CLUH: variants seen among roughly 807,000 people sequenced by gnomAD.
The protein encoded by CLUH is clustered mitochondria protein homolog.
CLUH carries 77 observed loss-of-function variants against 139.3 expected under a neutral mutation model. The ratio of observed to expected loss-of-function variants is 0.55; its 90% CI spans 0.46 to 0.67. CLUH has a LOEUF of 0.67. Ranked by LOEUF, CLUH falls within the 30% of genes least tolerant of loss-of-function variation. The pLI is 0.00. For missense variants in CLUH, 1,876 were observed against 1,875.8 expected, an observed-to-expected ratio of 1.00 and a Z score of 0.00; for synonymous variants, 999 against 801.6, an observed-to-expected ratio of 1.25 and a Z score of -4.16.
intron 16 of CLUH, 73 bp downstream of exon 16, chr17:2,694,784 C>A (rs1222503811): frequency 2.7e-6 from 4 of 1,457,008 alleles, no homozygotes; most frequent in Non-Finnish European, 3.6e-6. Flanking sequence ...GCCTTAGACG[C>A]CATCTGGGAG....
chr17:2,701,825 A>G (rs2070193060), intron 4 of CLUH, 88 bp from the exon 5 acceptor site: 12 of 1,581,214 alleles, frequency 7.6e-6, no homozygotes, highest in Non-Finnish European at 9.4e-6. Flanking sequence ...CGGGTGCCTC[A>G]GGCCCAGGCC....
Position 2,690,455 on chromosome 17 carries a change from A to T in CLUH, c.*139T>A, listed in dbSNP as rs1327634738. 4.2e-6 allele frequency: 3 copies of T among 705,926 alleles called. No homozygotes were observed. Among genetic ancestry groups the T allele is most frequent in the Non-Finnish European group, 6.2e-6 (3 of 481,082 alleles). 43.7% of individuals were successfully genotyped at this position (705,926 alleles called of 1,614,324 possible). ...GGGGCAGGCAGGCCAGGCTCCCAGG[A>T]GGACACGGGGGTGGGGTGGGGTGAG... is the stretch of plus-strand genomic sequence containing the variant. On this transcript the variant is annotated 3_prime_UTR_variant, in exon 26 of 26. Transcript: ENST00000651024.
At chr17:2,691,084 C>CCA (rs1459688175) in intron 25 of CLUH, among the ~76,000 whole-genome samples, 2 of 151,450 alleles carry the variant, frequency 1.3e-5, no homozygotes, top group African/African-American at 4.9e-5. Context: ...CCACAGGAGG[C>CCA]CACACTGCTT....
In CLUH at chr17:2,698,496, A is replaced by C. The variant is rs759389438; in HGVS notation, c.1361T>G (p.Met454Arg). The C allele has an allele frequency of 1.9e-6, 3 of 1,613,142 alleles. No homozygotes were observed. In the South Asian group the frequency reaches 3.3e-5, roughly 18 times the overall value. The change falls in exon 10 of 26, where the codon ATG becomes AGG. Residue 454 changes from methionine (M) to arginine (R), a missense_variant. By Grantham distance (91) the Met-to-Arg change is moderately conservative. Coordinates refer to ENST00000651024, the MANE Select transcript of CLUH (RefSeq NM_001366661.1). ...GATGTTGTTCCAGATGAACATCTGCATCTTGGTCTCCTCGCTGGGGTTGAT... is the reference window on the plus strand; with the variant it reads ...GATGTTGTTCCAGATGAACATCTGCCTCTTGGTCTCCTCGCTGGGGTTGAT... The part of the protein sequence containing the change: ...MAINPSEETK[M>R]QMFIWNNIFF...
chr17:2,696,665 C>T, intron 11 of CLUH, 54 bp downstream of exon 11: 1 of 1,592,680 alleles, frequency 6.3e-7, no homozygotes. Flanking sequence ...GGGTCATAAG[C>T]CACCCTGGCA....
Position 2,696,444 on chromosome 17 carries a change from G to A in CLUH, c.2280C>T (p.Ile760=). Residue 760 remains isoleucine, a synonymous_variant, in exon 12 of 26, where the codon ATC becomes ATT. Transcript: ENST00000651024. ...GCCCCCACCACCTGCCTGGTGAGAA[G>A]ATGTCAGGATTGAAGCGAATGTCGA... ...TAFDIRFNPD[I]FSPGVRFPES... 1.3e-6 allele frequency: 2 copies of A among 1,590,034 alleles called. No homozygotes were observed.
intron 1 of CLUH, among the ~76,000 whole-genome samples, chr17:2,709,530 C>A (rs963303201): frequency 2.0e-5 from 3 of 152,176 alleles, no homozygotes; most frequent in African/African-American, 4.8e-5. Context: ...CCTCCTCCCC[C>A]TCTGGGCCTC....
chr17:2,691,965 C>A (rs759580938), intron 23 of CLUH, 39 bp downstream of exon 23: 27 of 682,672 alleles, frequency 4.0e-5, no homozygotes, highest in Middle Eastern at 6.6e-4. Flanking sequence ...CGCCACGCCC[C>A]CGCCCCGCCC....
chr17:2,703,170 T>C lies in CLUH; in HGVS notation c.475+148A>G, dbSNP rs1255065709. 2.4e-6 allele frequency: 2 copies of C among 821,062 alleles called. No individual in the cohort carries two copies. Among genetic ancestry groups the C allele is most frequent in the South Asian group, 3.5e-5 (2 of 56,962 alleles). The allele number at this position is 821,062 out of a possible 1,614,324, so 50.9% of individuals were successfully genotyped here. A position where few individuals can be genotyped will look rare whatever the true frequency, so the allele number is the denominator to read the frequency against. ...CCATGGGCCGTGAAGTTGGCAGATA[T>C]AGGTGTGCTGGCCTGAGAAGCAGAT... On this transcript the variant is annotated intron_variant, in intron 3 of 25. Coordinates refer to ENST00000651024, the MANE Select transcript of CLUH (RefSeq NM_001366661.1). This position sits in a 1 kb window ranked among gnomAD's most constrained non-coding sequence, Gnocchi z 4.2.
intron 7 of CLUH, 39 bp from the exon 8 acceptor site, chr17:2,700,864 C>CA: frequency 6.6e-7 from 1 of 1,506,150 alleles, no homozygotes; most frequent in Admixed American, 2.3e-5. Flanking sequence ...GGCAGCCCAC[C>CA]AAGCTCAGAG....
In CLUH at chr17:2,706,945, C is replaced by T. The variant is rs1051982338; in HGVS notation, c.101-2381G>A. On this transcript the variant is annotated intron_variant, in intron 1 of 25. Coordinates refer to ENST00000651024, the MANE Select transcript of CLUH (RefSeq NM_001366661.1). This position sits in a 1 kb window ranked among gnomAD's most constrained non-coding sequence, Gnocchi z 4.6. ...GGACGACAAGGCAAGGTGGCCGCGGCTCCCACTCTCCTTCCCCAGCCCAGG... is the reference window on the plus strand; with the variant it reads ...GGACGACAAGGCAAGGTGGCCGCGGTTCCCACTCTCCTTCCCCAGCCCAGG... Among the ~76,000 whole-genome samples, 1 of 152,220 alleles carries T rather than the reference C, an allele frequency of 6.6e-6. No individual in the cohort carries two copies. Among genetic ancestry groups the T allele is most frequent in the Non-Finnish European group, 1.5e-5 (1 of 68,046 alleles).
intron 9 of CLUH, 122 bp from the exon 10 acceptor site, chr17:2,698,712 C>G: frequency 6.7e-6 from 6 of 897,270 alleles, no homozygotes; most frequent in Non-Finnish European, 9.8e-6. Context: ...CCCAAGGACC[C>G]GGAGCCTCAG....
intron 4 of CLUH, 55 bp downstream of exon 4, chr17:2,701,859 C>A (rs186952473): frequency 6.2e-6 from 10 of 1,606,770 alleles, no homozygotes; most frequent in East Asian, 2.2e-5. Flanking sequence ...TCCAGCCCCC[C>A]ACCTCCGTGC....
In CLUH at chr17:2,703,616, G is replaced by C; in HGVS notation, c.304-127C>G. 1 of 862,336 alleles carries C rather than the reference G, an allele frequency of 1.2e-6. No individual in the cohort carries two copies. The highest frequency in any genetic ancestry group is 1.8e-6 in the Non-Finnish European group (1 of 561,698). The allele number at this position is 862,336 out of a possible 1,614,324, so 53.4% of individuals were successfully genotyped here. ...AATATCCCCTTGTCCCCAGCCCAAA[G>C]TACCTTGGTCCCCAGAATAAATGCC... On this transcript the variant is annotated intron_variant, in intron 2 of 25. Transcript: ENST00000651024. This position sits in a 1 kb window ranked among gnomAD's most constrained non-coding sequence, Gnocchi z 4.2.
Position 2,697,987 on chromosome 17 carries a change from C to G in CLUH, c.1870G>C (p.Glu624Gln), listed in dbSNP as rs1482323634. 2.5e-6 allele frequency: 4 copies of G among 1,592,700 alleles called. No individual in the cohort carries two copies. Among genetic ancestry groups the G allele is most frequent in the Non-Finnish European group, 3.4e-6 (4 of 1,174,658 alleles). The change falls in exon 10 of 26, where the codon GAG becomes CAG. Residue 624 changes from glutamate to glutamine, a missense_variant. Physicochemically the swap from Glu to Gln is conservative, Grantham distance 29. Coordinates refer to ENST00000651024, the MANE Select transcript of CLUH (RefSeq NM_001366661.1). ...GGGAAGCCGGCGCGGGCGCATTCCT[C>G]AGGCAGCTCCTCGCCAGGCACGGGC... The part of the protein sequence containing the change: ...FLPVPGEELP[E>Q]ECARAGFPRA...
Position 2,695,162 on chromosome 17 carries a change from G to C in CLUH, c.2607+56C>G, listed in dbSNP as rs377298481. ...TCAGCCCCACCTCAGGCTCTTTCCCGACGCCCCACACCACCCTGGGAGGCC... is the reference window on the plus strand; with the variant it reads ...TCAGCCCCACCTCAGGCTCTTTCCCCACGCCCCACACCACCCTGGGAGGCC... On this transcript the variant is annotated intron_variant, in intron 15 of 25. Transcript: ENST00000651024. 5.0e-6 allele frequency: 8 copies of C among 1,613,534 alleles called. No homozygotes were observed. The East Asian group carries it at 1.6e-4, about 31-fold the overall frequency.
At chr17:2,691,557 A>T (rs2069634331) in intron 25 of CLUH, 52 bp downstream of exon 25, 5 of 1,561,756 alleles carry the variant, frequency 3.2e-6, no homozygotes, top group Non-Finnish European at 4.4e-6. Flanking sequence ...CGAGACTCCG[A>T]CTCACAAAAA....
intron 16 of CLUH, 35 bp downstream of exon 16, chr17:2,694,822 T>TTCCCCC: frequency 1.3e-5 from 17 of 1,346,328 alleles, no homozygotes; most frequent in Admixed American, 2.6e-5. Context: ...ATCTGCCCAA[T>TTCCCCC]CCCACCCACC....
In CLUH at chr17:2,704,272, C is replaced by A. The variant is rs2070281514; in HGVS notation, c.303+90G>T. ...CTCAGTTTCCTGCCACAAAATGGGGCCGGTAGGAGCACGAGCAAGGCTGAG... is the reference window on the plus strand; with the variant it reads ...CTCAGTTTCCTGCCACAAAATGGGGACGGTAGGAGCACGAGCAAGGCTGAG... On this transcript the variant is annotated intron_variant, in intron 2 of 25. Coordinates refer to ENST00000651024, the MANE Select transcript of CLUH (RefSeq NM_001366661.1). The surrounding 1 kb of genome is among the most constrained non-coding windows in gnomAD (Gnocchi z 5.7). 1.6e-5 allele frequency: 22 copies of A among 1,362,146 alleles called. No homozygotes were observed. In the South Asian group the frequency reaches 2.7e-4, roughly 17 times the overall value. 84.4% of individuals were successfully genotyped at this position (1,362,146 alleles called of 1,614,324 possible). A position where few individuals can be genotyped will look rare whatever the true frequency, so the allele number is the denominator to read the frequency against.
Sources: allele counts gnomAD v4.1 joint callset (sites outside exome capture counted in the v4.1 genomes callset), GRCh38; gene constraint gnomAD v4.1.1; non-coding constraint Gnocchi (gnomAD v3.1); transcripts MANE v1.5; gene names NCBI Gene and HGNC (gene_info 2026-07-23, HGNC 2026-07-21).